Variants in SNTB1 observed in about 807,000 individuals in gnomAD.
The protein encoded by SNTB1 is beta-1-syntrophin.
In SNTB1, 36 loss-of-function variants were observed where a neutral mutation model predicts 48.9. The ratio of observed to expected loss-of-function variants is 0.74; its 90% CI spans 0.56 to 0.97. SNTB1 has a LOEUF of 0.97. Among genes scored for constraint, SNTB1 ranks in the 50% least tolerant of loss-of-function variants. The probability of loss-of-function intolerance (pLI) is 0.00; values close to 1 mark genes in which losing one functional copy is unlikely to be tolerated. For missense variants in SNTB1, 786 were observed against 703.4 expected, an observed-to-expected ratio of 1.12 and a Z score of -1.33; for synonymous variants, 299 against 294.6, an observed-to-expected ratio of 1.01 and a Z score of -0.15.
At chr8:120,808,901 T>TA (rs1206650140) in intron 1 of SNTB1, among the ~76,000 whole-genome samples, 8 of 152,192 alleles carry the variant, frequency 5.3e-5, no homozygotes, top group African/African-American at 1.7e-4. Flanking sequence ...CTAGGTTTTT[T>TA]TAAAAAAAAG....
rs78265394 is a variant in SNTB1 at position 120,589,352 on chromosome 8, T to C, written c.997-14127A>G. Among the ~76,000 whole-genome samples the C allele has an allele frequency of 1.1e-3, 172 of 152,334 alleles. 4 individuals carry two copies. In the East Asian group the frequency reaches 0.031, roughly 28 times the overall value. ...GCTCAGGGATTTCCTCCTCCTCATT[T>C]CTTTCTAATGTTATATTTATGAACA... On this transcript the variant is annotated intron_variant, in intron 3 of 6. Transcript: ENST00000517992.
chr8:120,560,759 A>G (rs1029353655), intron 4 of SNTB1, among the ~76,000 whole-genome samples: 1 of 152,192 alleles, frequency 6.6e-6, no homozygotes, highest in Admixed American at 6.5e-5. Flanking sequence ...CAGTAGTATT[A>G]TGGACAGAGA....
At chr8:120,705,517 TA>T (rs1818366321) in intron 1 of SNTB1, among the ~76,000 whole-genome samples, 1 of 152,152 alleles carries the variant, frequency 6.6e-6, no homozygotes, top group South Asian at 2.1e-4. Context: ...GGGTTCAATA[TA>T]AGAAAAGACT....
At chr8:120,557,714 A>G (rs1384943225) in intron 4 of SNTB1, among the ~76,000 whole-genome samples, 2 of 152,208 alleles carry the variant, frequency 1.3e-5, no homozygotes. Flanking sequence ...GCTGTCTTTC[A>G]GGGTAGGAGC....
chr8:120,700,161 GTGTGTGTGTGTGTGTGTT>G (rs2129884522), intron 1 of SNTB1, among the ~76,000 whole-genome samples: 1 of 150,792 alleles, frequency 6.6e-6, no homozygotes, highest in East Asian at 1.9e-4. Context: ...AATTGCGTGT[GTGTGTGTGTGTGTGTGTT>G]TGTGTGTGTG....
chr8:120,589,990 A>G (rs1420799275), intron 3 of SNTB1, among the ~76,000 whole-genome samples: 1 of 152,136 alleles, frequency 6.6e-6, no homozygotes, highest in Admixed American at 6.6e-5. Context: ...GCTCCATCTT[A>G]TCTTGCACAT....
intron 1 of SNTB1, among the ~76,000 whole-genome samples, chr8:120,723,149 T>C (rs1465355976): frequency 1.3e-5 from 2 of 152,304 alleles, no homozygotes; most frequent in South Asian, 4.1e-4. Context: ...GTGTAATGAC[T>C]TCAAAATTCC....
intron 1 of SNTB1, among the ~76,000 whole-genome samples, chr8:120,717,591 G>A (rs1335019152): frequency 6.6e-6 from 1 of 152,150 alleles, no homozygotes; most frequent in Non-Finnish European, 1.5e-5. Flanking sequence ...TTCATCACGG[G>A]GAAGCTTCCA....
At chr8:120,801,641 G>A (rs1587174980) in intron 1 of SNTB1, among the ~76,000 whole-genome samples, 1 of 151,872 alleles carries the variant, frequency 6.6e-6, no homozygotes, top group Admixed American at 6.6e-5. Flanking sequence ...AATTCAAACT[G>A]TCCGATTTTT....
At chr8:120,560,558 T>C (rs1344472103) in intron 4 of SNTB1, among the ~76,000 whole-genome samples, 2 of 152,222 alleles carry the variant, frequency 1.3e-5, no homozygotes, top group Non-Finnish European at 2.9e-5. Context: ...CAAGATCCCA[T>C]GTCTCAGAAA....
chr8:120,733,619 C>G (rs1391054079), intron 1 of SNTB1, among the ~76,000 whole-genome samples: 2 of 152,200 alleles, frequency 1.3e-5, no homozygotes, highest in African/African-American at 4.8e-5. Flanking sequence ...AAAGTAATTA[C>G]AAATAATTAG....
intron 1 of SNTB1, among the ~76,000 whole-genome samples, chr8:120,727,150 T>C (rs1008652395): frequency 6.6e-6 from 1 of 152,188 alleles, no homozygotes; most frequent in Non-Finnish European, 1.5e-5. Flanking sequence ...TAAAGAATAA[T>C]ACAGGATCTC....
rs763971821 is a variant in SNTB1, at chr8:120,548,893, C to T, written c.1202G>A (p.Arg401Gln). 8.1e-6 allele frequency: 13 copies of T among 1,612,670 alleles called. No individual in the cohort carries two copies. Among genetic ancestry groups the T allele is most frequent in the Middle Eastern group, 1.7e-4 (1 of 6,056 alleles). Residue 401 changes from arginine to glutamine, a missense_variant, in exon 5 of 7, where the codon CGA becomes CAA. Arg to Gln is a conservative substitution (Grantham distance 43). Coordinates refer to ENST00000517992, the MANE Select transcript of SNTB1 (RefSeq NM_021021.4). ...TTCAATCCCTTGCCTGGTACCAGTT[C>T]GCGTTGCAAAGGACAGATCCACACC... ...QAGVDLSFAT[R>Q]TGTRQGIETH... is the part of the protein sequence containing the mutation.
intron 2 of SNTB1, among the ~76,000 whole-genome samples, chr8:120,692,904 G>T (rs765478653): frequency 1.3e-5 from 2 of 152,112 alleles, no homozygotes; most frequent in Non-Finnish European, 2.9e-5. Flanking sequence ...ATTTTGTGTT[G>T]CTCTAAAGGA....
intron 2 of SNTB1, among the ~76,000 whole-genome samples, chr8:120,639,962 G>A (rs370358991): frequency 5.9e-5 from 9 of 151,738 alleles, no homozygotes; most frequent in South Asian, 4.2e-4. Context: ...TGTAAATTAC[G>A]TTGGGCAGTA....
intron 1 of SNTB1, among the ~76,000 whole-genome samples, chr8:120,753,777 C>A (rs1305408221): frequency 6.6e-6 from 1 of 152,202 alleles, no homozygotes; most frequent in Non-Finnish European, 1.5e-5. Flanking sequence ...AATGATGAAA[C>A]AAGCCACACA....
intron 2 of SNTB1, among the ~76,000 whole-genome samples, chr8:120,659,001 T>C (rs1472743278): frequency 6.6e-6 from 1 of 151,908 alleles, no homozygotes; most frequent in African/African-American, 2.4e-5. Context: ...TCTCACTCTG[T>C]CTCCCAGGCT....
At chr8:120,787,330 T>C (rs1179064358) in intron 1 of SNTB1, among the ~76,000 whole-genome samples, 1 of 152,114 alleles carries the variant, frequency 6.6e-6, no homozygotes, top group Non-Finnish European at 1.5e-5. Context: ...CATTCTCTAA[T>C]ATCCCTAGAA....
chr8:120,576,463 A>C (rs1403745763), intron 3 of SNTB1, among the ~76,000 whole-genome samples: 1 of 152,236 alleles, frequency 6.6e-6, no homozygotes, highest in African/African-American at 2.4e-5. Flanking sequence ...CCCTAGTATG[A>C]GGAATGAGTG....
Sources: gnomAD v4.1 joint callset for allele counts (sites outside exome capture counted in the v4.1 genomes callset) on GRCh38, gnomAD v4.1.1 for gene constraint, MANE v1.5 for transcripts, NCBI Gene and HGNC (gene_info 2026-07-23, HGNC 2026-07-21) for gene names.